EXOC4: variants seen among roughly 807,000 people sequenced by gnomAD.
The protein encoded by EXOC4 is exocyst complex component 4.
In EXOC4, 71 loss-of-function variants were observed where a neutral mutation model predicts 107.2. The observed-to-expected ratio is 0.66, with a 90% CI of 0.55 to 0.81. The LOEUF is 0.81. EXOC4 is among the 30% of genes least tolerant of loss of function. EXOC4 has a pLI of 0.00. For missense variants in EXOC4, 1,108 were observed against 1,189.6 expected (o/e 0.93, Z 1.01); for synonymous variants, 456 against 441.2 (o/e 1.03, Z -0.42).
chr7:133,720,474 A>G (rs895324775), intron 10 of EXOC4, among the ~76,000 whole-genome samples: 2 of 152,206 alleles, frequency 1.3e-5, no homozygotes, highest in African/African-American at 4.8e-5. Flanking sequence ...ATAATGCACA[A>G]AACAGTCGAC....
At chr7:133,726,703 C>A (rs1795222143) in intron 10 of EXOC4, among the ~76,000 whole-genome samples, 1 of 152,206 alleles carries the variant, frequency 6.6e-6, no homozygotes, top group Non-Finnish European at 1.5e-5. Flanking sequence ...AATGCCCTCT[C>A]CTAAATGAGT....
intron 11 of EXOC4, among the ~76,000 whole-genome samples, chr7:133,871,081 A>G (rs1164191865): frequency 6.6e-6 from 1 of 152,238 alleles, no homozygotes; most frequent in East Asian, 1.9e-4. Context: ...TGACAAAGGT[A>G]ATAAATACCA....
intron 4 of EXOC4, among the ~76,000 whole-genome samples, chr7:133,311,327 T>C (rs578009632): frequency 6.6e-6 from 1 of 152,268 alleles, no homozygotes; most frequent in Admixed American, 6.5e-5. Flanking sequence ...TAAATTTTTT[T>C]AAAGAAAACA....
At chr7:133,484,090 G>T (rs1386291390) in intron 9 of EXOC4, 1 of 1,613,134 alleles carries the variant, frequency 6.2e-7, no homozygotes. Flanking sequence ...ACATTAAAAA[G>T]CTCAAATTTT....
chr7:133,520,213 A>T (rs1799954630), intron 9 of EXOC4, among the ~76,000 whole-genome samples: 1 of 152,216 alleles, frequency 6.6e-6, no homozygotes, highest in South Asian at 2.1e-4. Flanking sequence ...TTCTTACCAG[A>T]TAAAATCCTC....
At chr7:134,031,725 C>T (rs191512901) in intron 17 of EXOC4, among the ~76,000 whole-genome samples, 10 of 152,260 alleles carry the variant, frequency 6.6e-5, no homozygotes, top group Admixed American at 6.5e-4. Context: ...ATGGATGCAT[C>T]CAAAGAAGAG....
intron 7 of EXOC4, among the ~76,000 whole-genome samples, chr7:133,413,435 C>G (rs1273179298): frequency 6.6e-6 from 1 of 152,072 alleles, no homozygotes; most frequent in East Asian, 1.9e-4. Context: ...TATAGATGGT[C>G]TTTCTTTAGT....
At position 133,314,863 on chromosome 7, in the gene EXOC4, T is replaced by C. The variant is rs568388661; in HGVS notation, c.657-2421T>C. On this transcript the variant is annotated intron_variant, in intron 4 of 17. Coordinates refer to ENST00000253861, the MANE Select transcript of EXOC4 (RefSeq NM_021807.4). ...ATATTTAGACAATGTATTATATTTT[T>C]CCTGTCATTTAAAGTTGAAGTTTTT... is the stretch of plus-strand genomic sequence containing the variant. 3.3e-5 allele frequency: 5 copies of C among 152,344 alleles called. No homozygotes were observed. In the East Asian group the frequency reaches 7.7e-4, roughly 23 times the overall value. 9.4% of individuals were successfully genotyped at this position (152,344 alleles called of 1,614,324 possible).
chr7:133,610,957 A>G (rs1481360128), intron 9 of EXOC4, among the ~76,000 whole-genome samples: 1 of 149,624 alleles, frequency 6.7e-6, no homozygotes, highest in Admixed American at 6.7e-5. Flanking sequence ...GATCACAGGC[A>G]TGCACCACGA....
intron 10 of EXOC4, among the ~76,000 whole-genome samples, chr7:133,795,504 G>A (rs1796795331): frequency 6.6e-6 from 1 of 152,152 alleles, no homozygotes; most frequent in African/African-American, 2.4e-5. Context: ...TGGAACACGG[G>A]GCTGTATGCA....
In EXOC4 at chr7:133,676,927, C is replaced by CTGTGTGTGTGTGTG. The variant is rs559035446; in HGVS notation, c.1514+46802_1514+46815dup. Among the ~76,000 whole-genome samples the CTGTGTGTGTGTGTG allele has an allele frequency of 1.0e-3, 126 of 124,668 alleles. 2 individuals carry two copies. Among genetic ancestry groups the CTGTGTGTGTGTGTG allele is most frequent in the East Asian group, 3.4e-3 (14 of 4,060 alleles). The allele number at this position is 124,668 out of a possible 152,430, so 81.8% of individuals were successfully genotyped here. On this transcript the variant is annotated intron_variant, in intron 10 of 17. Coordinates refer to ENST00000253861, the MANE Select transcript of EXOC4 (RefSeq NM_021807.4). ...ATTATTGGGGGGTATGTAGTAAACT[C>CTGTGTGTGTGTGTG]TGTGTGTGTGTGTGTGTGTGTGTGT...
intron 13 of EXOC4, among the ~76,000 whole-genome samples, chr7:133,926,180 T>A (rs1395954154): frequency 6.6e-6 from 1 of 151,888 alleles, no homozygotes; most frequent in African/African-American, 2.4e-5. Context: ...CTACTCAACA[T>A]ATGAGGAAAC....
At chr7:133,423,965 T>C (rs1797663610) in intron 7 of EXOC4, among the ~76,000 whole-genome samples, 1 of 152,196 alleles carries the variant, frequency 6.6e-6, no homozygotes, top group African/African-American at 2.4e-5. Flanking sequence ...GCTGGGCTTC[T>C]GGGACAGGTG....
intron 9 of EXOC4, among the ~76,000 whole-genome samples, chr7:133,491,572 T>C (rs1193299173): frequency 6.6e-6 from 1 of 152,196 alleles, no homozygotes; most frequent in Non-Finnish European, 1.5e-5. Flanking sequence ...TTCTTAGGGC[T>C]GTCATATCAG....
At chr7:133,375,129 C>T in intron 7 of EXOC4, 127 bp downstream of exon 7, 1 of 751,314 alleles carries the variant, frequency 1.3e-6, no homozygotes. Flanking sequence ...GAAAGTAATG[C>T]TTGCATTTGA....
chr7:133,597,593 G>A (rs1033980076), intron 9 of EXOC4, among the ~76,000 whole-genome samples: 1 of 136,528 alleles, frequency 7.3e-6, no homozygotes, highest in Non-Finnish European at 1.6e-5. Context: ...AAAAAACCCC[G>A]AATCCTTGGA....
chr7:133,988,378 T>C (rs1794166221), intron 14 of EXOC4, among the ~76,000 whole-genome samples: 1 of 152,254 alleles, frequency 6.6e-6, no homozygotes, highest in Admixed American at 6.5e-5. Flanking sequence ...TTCTTTTTTC[T>C]GATTTTTCTT....
At chr7:133,715,069 G>A (rs2151100374) in intron 10 of EXOC4, among the ~76,000 whole-genome samples, 1 of 152,268 alleles carries the variant, frequency 6.6e-6, no homozygotes, top group East Asian at 1.9e-4. Context: ...AAGAGCAGCA[G>A]TTTTTTCCTG....
chr7:133,284,814 C>T (rs1463602698), intron 2 of EXOC4, among the ~76,000 whole-genome samples: 2 of 152,118 alleles, frequency 1.3e-5, no homozygotes, highest in East Asian at 3.9e-4. Context: ...GGATTACAGG[C>T]GTGAGCCACC....
Sources: gnomAD v4.1 joint callset for allele counts (sites outside exome capture counted in the v4.1 genomes callset) on GRCh38, gnomAD v4.1.1 for gene constraint, MANE v1.5 for transcripts, NCBI Gene and HGNC (gene_info 2026-07-23, HGNC 2026-07-21) for gene names.